The following GRID1 variants were observed in gnomAD, a reference collection of about 807,000 sequenced individuals.
The protein encoded by GRID1 is glutamate ionotropic receptor delta type subunit 1.
GRID1 carries 28 observed loss-of-function variants against 98.0 expected under a neutral mutation model. The ratio of observed to expected loss-of-function variants is 0.29; its 90% CI spans 0.21 to 0.39. GRID1 has a LOEUF of 0.39. Among genes scored for constraint, GRID1 ranks in the 10% least tolerant of loss-of-function variants. The pLI, the probability that GRID1 is intolerant of heterozygous loss-of-function variation, is 1.00. For synonymous variants in GRID1, 553 were observed against 538.5 expected (o/e 1.03, Z -0.37); for missense variants, 1,111 against 1,340.5 (o/e 0.83, Z 2.67).
At chr10:86,176,150 G>T (rs567305010) in intron 3 of GRID1, among the ~76,000 whole-genome samples, 1 of 152,232 alleles carries the variant, frequency 6.6e-6, no homozygotes, top group Non-Finnish European at 1.5e-5. Flanking sequence ...GCCAGAATCA[G>T]CTGTTGGGCT....
At chr10:85,878,785 G>A (rs1195321348) in intron 5 of GRID1, among the ~76,000 whole-genome samples, 3 of 151,146 alleles carry the variant, frequency 2.0e-5, no homozygotes, top group South Asian at 2.1e-4. Flanking sequence ...AACTTTAAAT[G>A]TAAATGGACT....
chr10:85,960,153 A>G (rs931135800), intron 4 of GRID1, among the ~76,000 whole-genome samples: 2 of 152,086 alleles, frequency 1.3e-5, no homozygotes, highest in African/African-American at 4.8e-5. Flanking sequence ...GCCTGCCTCA[A>G]CCTCCAGAAG....
intron 8 of GRID1, among the ~76,000 whole-genome samples, chr10:85,731,699 G>A (rs1841824710): frequency 6.6e-6 from 1 of 151,758 alleles, no homozygotes; most frequent in South Asian, 2.1e-4. Flanking sequence ...CTATTTGGGA[G>A]GCTGAGGTAG....
chr10:85,902,115 C>G (rs191260145), intron 5 of GRID1, among the ~76,000 whole-genome samples: 1 of 152,306 alleles, frequency 6.6e-6, no homozygotes, highest in Non-Finnish European at 1.5e-5. Context: ...GGGTACAAAT[C>G]TAATCAAGCA....
intron 5 of GRID1, among the ~76,000 whole-genome samples, chr10:85,874,834 T>C (rs1423191878): frequency 1.3e-5 from 2 of 151,820 alleles, no homozygotes; most frequent in African/African-American, 4.8e-5. Flanking sequence ...CTATTTTTAA[T>C]ATATTTTGGG....
chr10:85,870,461 C>T (rs1015060142), intron 5 of GRID1, among the ~76,000 whole-genome samples: 3 of 152,230 alleles, frequency 2.0e-5, no homozygotes, highest in Non-Finnish European at 4.4e-5. Context: ...ATCGTGTGAG[C>T]CAATACTCCT....
chr10:85,901,786 C>A (rs1403739085), intron 5 of GRID1, among the ~76,000 whole-genome samples: 3 of 152,184 alleles, frequency 2.0e-5, no homozygotes, highest in African/African-American at 2.4e-5. Flanking sequence ...GCTCCCAAAA[C>A]CCATCATCTG....
intron 3 of GRID1, among the ~76,000 whole-genome samples, chr10:86,148,291 A>T (rs1345154417): frequency 6.6e-6 from 1 of 152,226 alleles, no homozygotes; most frequent in Non-Finnish European, 1.5e-5. Flanking sequence ...TCAGCCTTTG[A>T]AAAGAAGGAA....
At chr10:85,793,042 G>C (rs1488157356) in intron 8 of GRID1, among the ~76,000 whole-genome samples, 3 of 152,032 alleles carry the variant, frequency 2.0e-5, no homozygotes, top group Non-Finnish European at 4.4e-5. Flanking sequence ...TACAACTTCT[G>C]GCAAGTGCCA....
At chr10:85,605,580 T>A (rs1342633957) in intron 15 of GRID1, 1 of 152,156 alleles carries the variant, frequency 6.6e-6, no homozygotes, top group Non-Finnish European at 1.5e-5. Flanking sequence ...CCTTTGAAGA[T>A]GAAAAGAAAG....
intron 13 of GRID1, among the ~76,000 whole-genome samples, chr10:85,627,156 G>T (rs887931637): frequency 6.6e-6 from 1 of 151,732 alleles, no homozygotes; most frequent in Admixed American, 6.6e-5. Flanking sequence ...ATTTCCATGG[G>T]AAAAAAAAGA....
intron 2 of GRID1, among the ~76,000 whole-genome samples, chr10:86,288,184 C>T (rs1203653347): frequency 2.6e-5 from 4 of 152,216 alleles, no homozygotes; most frequent in African/African-American, 4.8e-5. Context: ...TCTCACTGGC[C>T]ACGAACCTGT....
intron 2 of GRID1, among the ~76,000 whole-genome samples, chr10:86,251,496 C>T (rs544738185): frequency 9.8e-5 from 15 of 152,296 alleles, no homozygotes; most frequent in African/African-American, 3.6e-4. Flanking sequence ...GCTGGTCCCT[C>T]AAGCCTTGCA....
chr10:85,616,115 T>A lies in GRID1; in HGVS notation c.2361-2468A>T, dbSNP rs1842785379. Among the ~76,000 whole-genome samples the A allele has an allele frequency of 2.6e-5, 4 of 152,230 alleles. No homozygotes were observed. The South Asian group carries it at 8.3e-4, about 32-fold the overall frequency. Reference sequence around the variant, plus strand: ...GAGCTCCATAAAAGCTGGTTAGTAGTTGTCAGCCTGATGGCCACATTGACC... The same window carrying A: ...GAGCTCCATAAAAGCTGGTTAGTAGATGTCAGCCTGATGGCCACATTGACC... On this transcript the variant is annotated intron_variant, in intron 14 of 15. Transcript: ENST00000327946.
At position 85,599,802 on chromosome 10, in the gene GRID1, A is replaced by AAATATATATATATATATATATATATATAT; in HGVS notation, c.*2470_*2471insATATATATATATATATATATATATATATT. 3.1e-5 allele frequency: 2 copies of AAATATATATATATATATATATATATATAT among 64,978 alleles called. No individual in the cohort carries two copies. The highest frequency in any genetic ancestry group is 5.2e-5 in the Non-Finnish European group (2 of 38,786). The allele number at this position is 64,978 out of a possible 1,614,324, so 4.0% of individuals were successfully genotyped here. A position where few individuals can be genotyped will look rare whatever the true frequency, so the allele number is the denominator to read the frequency against. ...GTAGAAAATTCTAAAAAAAAAAAAA[A>AAATATATATATATATATATATATATATAT]ATATATATATATATATATAAACATG... On this transcript the variant is annotated 3_prime_UTR_variant, in exon 16 of 16. Coordinates refer to ENST00000327946, the MANE Select transcript of GRID1 (RefSeq NM_017551.3).
At chr10:86,249,902 G>T (rs1379449293) in intron 2 of GRID1, among the ~76,000 whole-genome samples, 1 of 152,190 alleles carries the variant, frequency 6.6e-6, no homozygotes, top group African/African-American at 2.4e-5. Flanking sequence ...AGGATGAATG[G>T]ATGGATGGTG....
chr10:85,880,208 T>C (rs1840985205), intron 5 of GRID1, among the ~76,000 whole-genome samples: 1 of 152,184 alleles, frequency 6.6e-6, no homozygotes, highest in South Asian at 2.1e-4. Flanking sequence ...GAGGAGCTGG[T>C]ACCATTCCTT....
intron 12 of GRID1, among the ~76,000 whole-genome samples, chr10:85,701,979 GA>G (rs1453047993): frequency 3.3e-5 from 5 of 151,876 alleles, no homozygotes; most frequent in Non-Finnish European, 7.4e-5. Context: ...AGTACATGAA[GA>G]TATTTCCAAA....
chr10:85,705,067 A>G (rs947382841), intron 12 of GRID1, among the ~76,000 whole-genome samples: 1 of 152,222 alleles, frequency 6.6e-6, no homozygotes, highest in African/African-American at 2.4e-5. Flanking sequence ...GAACTAGAGA[A>G]GCGAGAGCAA....
Sources: allele counts gnomAD v4.1 joint callset (sites outside exome capture counted in the v4.1 genomes callset), GRCh38; gene constraint gnomAD v4.1.1; transcripts MANE v1.5; gene names NCBI Gene and HGNC (gene_info 2026-07-23, HGNC 2026-07-21).